GJA3: variants seen among roughly 807,000 people sequenced by gnomAD.
The protein encoded by GJA3 is gap junction protein alpha 3.
For missense variants in GJA3, 571 were observed against 620.3 expected (o/e 0.92, Z 0.84); for synonymous variants, 297 against 292.6 (o/e 1.02, Z -0.15).
intron 1 of GJA3, among the ~76,000 whole-genome samples, chr13:20,159,449 T>G (rs1327323333): frequency 2.4e-5 from 2 of 84,620 alleles, no homozygotes; most frequent in South Asian, 1.1e-3. Context: ...AGAGCGAGAC[T>G]CCATCTCAAA....
At chr13:20,152,447 C>A (rs1958884065) in intron 1 of GJA3, among the ~76,000 whole-genome samples, 1 of 152,076 alleles carries the variant, frequency 6.6e-6, no homozygotes, top group African/African-American at 2.4e-5. Context: ...TGCAGTGGTA[C>A]AATCTCGGCT....
chr13:20,159,933 C>A (rs1242374254), intron 1 of GJA3, among the ~76,000 whole-genome samples: 1 of 152,118 alleles, frequency 6.6e-6, no homozygotes, highest in African/African-American at 2.4e-5. Context: ...TGAAGTGATG[C>A]GCACATCATA....
At position 20,142,370 on chromosome 13, in the gene GJA3, C is replaced by T. The variant is rs759710076; in HGVS notation, c.919G>A (p.Gly307Arg). The T allele has an allele frequency of 6.5e-6, 10 of 1,530,346 alleles. No homozygotes were observed. Among genetic ancestry groups the T allele is most frequent in the Admixed American group, 2.2e-5 (1 of 45,680 alleles). The allele number at this position is 1,530,346 out of a possible 1,614,324, so 94.8% of individuals were successfully genotyped here. A position where few individuals can be genotyped will look rare whatever the true frequency, so the allele number is the denominator to read the frequency against. ...TAGAGCTTGGCGGACTGGCCCTTTC[C>T]GCGCGCCTCGGTCAGGGCTAGCAGT... ...FKLLALTEAR[G>R]KGQSAKLYNG... The change falls in exon 2 of 2, where the codon GGA becomes AGA. Residue 307 changes from glycine to arginine, a missense_variant. Physicochemically the swap from Gly to Arg is moderately radical, Grantham distance 125. Coordinates refer to ENST00000241125, the MANE Select transcript of GJA3 (RefSeq NM_021954.4).
intron 1 of GJA3, among the ~76,000 whole-genome samples, chr13:20,148,164 T>A (rs1259545604): frequency 6.6e-6 from 1 of 152,004 alleles, no homozygotes; most frequent in African/African-American, 2.4e-5. Flanking sequence ...CCCCAGCAGA[T>A]GCGGTATCCA....
At chr13:20,144,771 G>C (rs889891177) in intron 1 of GJA3, among the ~76,000 whole-genome samples, 2 of 152,228 alleles carry the variant, frequency 1.3e-5, no homozygotes, top group African/African-American at 4.8e-5. Flanking sequence ...CAACAGGCTG[G>C]ATGCTGGGAA....
chr13:20,147,099 G>A (rs1026542474), intron 1 of GJA3, among the ~76,000 whole-genome samples: 1 of 152,222 alleles, frequency 6.6e-6, no homozygotes, highest in Admixed American at 6.5e-5. Flanking sequence ...TAAGAAAAGG[G>A]CAGGTGGTAC....
In GJA3 at chr13:20,142,372, C is replaced by A. The variant is rs1958814271; in HGVS notation, c.917G>T (p.Arg306Leu). The change falls in exon 2 of 2, where the codon CGC becomes CTC. Residue 306 changes from arginine to leucine, a missense_variant. Coordinates refer to ENST00000241125, the MANE Select transcript of GJA3 (RefSeq NM_021954.4). ...DFKLLALTEA[R>L]GKGQSAKLYN... ...GAGCTTGGCGGACTGGCCCTTTCCG[C>A]GCGCCTCGGTCAGGGCTAGCAGTTT... 2 of 1,530,616 alleles carry A rather than the reference C, an allele frequency of 1.3e-6. No homozygotes were observed. The highest frequency in any genetic ancestry group is 2.2e-5 in the Admixed American group (1 of 45,974). The allele number at this position is 1,530,616 out of a possible 1,614,324, so 94.8% of individuals were successfully genotyped here.
chr13:20,154,426 C>A (rs188444672), intron 1 of GJA3, among the ~76,000 whole-genome samples: 1 of 152,312 alleles, frequency 6.6e-6, no homozygotes, highest in East Asian at 1.9e-4. Flanking sequence ...TTGTATCCAG[C>A]AACCTGTTAC....
rs927697740 is a variant in GJA3 at position 20,160,548 on chromosome 13, G to A, written c.-18+342C>T. The stretch of plus-strand genomic sequence containing the variant: ...AGCCCGGCTTCCTCCACCCGAGGGG[G>A]AAAACAACCCCAGGAAAACAACTTA... On this transcript the variant is annotated intron_variant, in intron 1 of 1. Transcript: ENST00000241125. Among the ~76,000 whole-genome samples the A allele has an allele frequency of 1.1e-4, 17 of 152,284 alleles. 1 individual carries two copies. The highest frequency in any genetic ancestry group is 9.8e-4 in the Admixed American group (15 of 15,304).
intron 1 of GJA3, among the ~76,000 whole-genome samples, chr13:20,151,584 C>G (rs542930899): frequency 6.6e-6 from 1 of 152,136 alleles, no homozygotes; most frequent in Non-Finnish European, 1.5e-5. Flanking sequence ...CAGGCCAGAG[C>G]AGACCGGGGC....
chr13:20,143,530 A>C (rs1958825697), intron 1 of GJA3, among the ~76,000 whole-genome samples: 1 of 151,750 alleles, frequency 6.6e-6, no homozygotes, highest in South Asian at 2.1e-4. Flanking sequence ...GAGAGGAGGA[A>C]GCCAGAGCCA....
At chr13:20,161,259 C>A (rs1050864068), upstream of GJA3, among the ~76,000 whole-genome samples, 23 of 152,294 alleles carry the variant, frequency 1.5e-4, no homozygotes, top group Non-Finnish European at 2.4e-4. Flanking sequence ...GCATCCCCAT[C>A]CCGCACCTGC....
intron 1 of GJA3, among the ~76,000 whole-genome samples, chr13:20,156,103 C>G (rs1043950653): frequency 1.3e-5 from 2 of 152,106 alleles, no homozygotes; most frequent in African/African-American, 4.8e-5. Context: ...ACGACAGTGT[C>G]TGCCATCTAT....
Position 20,143,120 on chromosome 13 carries a change from G to C in GJA3, c.169C>G (p.Gln57Glu). Residue 57 changes from glutamine (Q) to glutamate (E), a missense_variant, in exon 2 of 2, where the codon CAG becomes GAG. Transcript: ENST00000241125. ...DEQSDFTCNT[Q>E]QPGCENVCYD... Reference sequence around the variant, plus strand: ...CAGACGTTCTCGCAGCCCGGCTGCTGGGTGTTGCAGGTGAAGTCTGACTGC... The same window carrying C: ...CAGACGTTCTCGCAGCCCGGCTGCTCGGTGTTGCAGGTGAAGTCTGACTGC... 1 of 1,613,566 alleles carries C rather than the reference G, an allele frequency of 6.2e-7. No homozygotes were observed. Among genetic ancestry groups the C allele is most frequent in the African/African-American group, 1.3e-5 (1 of 75,038 alleles).
chr13:20,157,097 T>C (rs1341704853), intron 1 of GJA3, among the ~76,000 whole-genome samples: 1 of 152,254 alleles, frequency 6.6e-6, no homozygotes, highest in African/African-American at 2.4e-5. Flanking sequence ...TGTGTTAATG[T>C]ATTTCCTTCA....
Position 20,141,896 on chromosome 13 carries a change from C to A in GJA3, c.*85G>T. 6.6e-7 allele frequency: 1 copy of A among 1,523,728 alleles called. No homozygotes were observed. The highest frequency in any genetic ancestry group is 1.2e-5 in the South Asian group (1 of 81,354). 94.4% of individuals were successfully genotyped at this position (1,523,728 alleles called of 1,614,324 possible). On this transcript the variant is annotated 3_prime_UTR_variant, in exon 2 of 2. Transcript: ENST00000241125. ...TCCCACCTCCTGGGACTTTCAGGTT[C>A]TATCTGCTGGTGGGAAGTGCACTTT...
intron 1 of GJA3, among the ~76,000 whole-genome samples, chr13:20,143,704 C>T (rs1958826995): frequency 6.6e-6 from 1 of 152,224 alleles, no homozygotes; most frequent in African/African-American, 2.4e-5. Flanking sequence ...GCTGCCATCC[C>T]CATGCCCATG....
intron 1 of GJA3, among the ~76,000 whole-genome samples, chr13:20,147,836 C>T (rs748377626): frequency 6.6e-6 from 1 of 152,144 alleles, no homozygotes; most frequent in Non-Finnish European, 1.5e-5. Flanking sequence ...ATACAATACA[C>T]TTTGCACGCT....
At chr13:20,143,462 C>T (rs1958825290) in intron 1 of GJA3, among the ~76,000 whole-genome samples, 157 bp from the exon 2 acceptor site, 1 of 152,240 alleles carries the variant, frequency 6.6e-6, no homozygotes, top group Admixed American at 6.5e-5. Context: ...CCTGGACGAG[C>T]AGGCACTACA....
Sources: allele counts gnomAD v4.1 joint callset (sites outside exome capture counted in the v4.1 genomes callset), GRCh38; gene constraint gnomAD v4.1.1; transcripts MANE v1.5; gene names NCBI Gene and HGNC (gene_info 2026-07-23, HGNC 2026-07-21).